The following FAM117A variants were observed in gnomAD, a reference collection of about 807,000 sequenced individuals.
The protein encoded by FAM117A is family with sequence similarity 117 member A.
In FAM117A, 21 loss-of-function variants were observed where a neutral mutation model predicts 44.1. The observed-to-expected ratio is 0.48, with a 90% CI of 0.34 to 0.69. FAM117A has a LOEUF of 0.69. FAM117A is among the 30% of genes least tolerant of loss of function. The pLI is 0.01. For synonymous variants in FAM117A, 220 were observed against 238.3 expected (o/e 0.92, Z 0.71); for missense variants, 498 against 589.9 (o/e 0.84, Z 1.61).
chr17:49,783,018 C>T (rs920697664), intron 1 of FAM117A, among the ~76,000 whole-genome samples: 2 of 152,166 alleles, frequency 1.3e-5, no homozygotes, highest in African/African-American at 4.8e-5. Context: ...ACTTTCCACC[C>T]CGGCAAATAG....
chr17:49,734,708 G>A (rs1567830115), intron 1 of FAM117A, among the ~76,000 whole-genome samples: 1 of 152,132 alleles, frequency 6.6e-6, no homozygotes, highest in African/African-American at 2.4e-5. Context: ...CCACTCCTAG[G>A]TATATACCAA....
chr17:49,749,220 T>C (rs2073665724), intron 1 of FAM117A, among the ~76,000 whole-genome samples: 1 of 152,046 alleles, frequency 6.6e-6, no homozygotes, highest in Non-Finnish European at 1.5e-5. Flanking sequence ...ATCTCGACTA[T>C]ATATATATGA....
intron 1 of FAM117A, 63 bp downstream of exon 1, chr17:49,763,829 C>T: frequency 1.5e-6 from 1 of 666,318 alleles, no homozygotes; most frequent in Non-Finnish European, 2.0e-6. Context: ...CCCCCTCCCG[C>T]GGTCACGCGC....
At chr17:49,756,872 AC>A (rs2073700801) in intron 1 of FAM117A, among the ~76,000 whole-genome samples, 1 of 150,044 alleles carries the variant, frequency 6.7e-6, no homozygotes, top group African/African-American at 2.5e-5. Context: ...AGCTGAGATC[AC>A]GCCACTGCAC....
intron 1 of FAM117A, among the ~76,000 whole-genome samples, chr17:49,739,826 A>G (rs1339246759): frequency 1.3e-5 from 2 of 152,174 alleles, no homozygotes; most frequent in Admixed American, 6.5e-5. Flanking sequence ...AGGAGGGTGG[A>G]GTGTCCTGTT....
At chr17:49,764,605 C>T (rs1439675856), upstream of FAM117A, among the ~76,000 whole-genome samples, 1 of 152,110 alleles carries the variant, frequency 6.6e-6, no homozygotes, top group Non-Finnish European at 1.5e-5. Context: ...ACAGAGAAAG[C>T]GATACCTTCA....
At chr17:49,717,437 AC>A in intron 6 of FAM117A, 75 bp downstream of exon 6, 1 of 1,309,112 alleles carries the variant, frequency 7.6e-7, no homozygotes, top group Non-Finnish European at 1.1e-6. Flanking sequence ...GCCTGAATTG[AC>A]TAGAGGTGGA....
intron 1 of FAM117A, among the ~76,000 whole-genome samples, chr17:49,739,537 T>C (rs540661125): frequency 1.2e-4 from 19 of 152,312 alleles, no homozygotes; most frequent in African/African-American, 4.6e-4. Context: ...ATAGAGGCTC[T>C]TGGGTTTATC....
At chr17:49,718,204 C>T (rs1322219259) in intron 5 of FAM117A, among the ~76,000 whole-genome samples, 1 of 152,208 alleles carries the variant, frequency 6.6e-6, no homozygotes, top group Non-Finnish European at 1.5e-5. Flanking sequence ...GGTACTTGAA[C>T]CTGTAGCTCA....
chr17:49,726,261 G>A (rs2073559116), intron 2 of FAM117A, among the ~76,000 whole-genome samples: 1 of 152,022 alleles, frequency 6.6e-6, no homozygotes, highest in Non-Finnish European at 1.5e-5. Context: ...TGCCCAGGCT[G>A]GAGTGCAATG....
chr17:49,727,439 C>T (rs1034554788), intron 2 of FAM117A, among the ~76,000 whole-genome samples: 1 of 152,094 alleles, frequency 6.6e-6, no homozygotes, highest in African/African-American at 2.4e-5. Context: ...AGTTGTTTGT[C>T]AGGGGGAGTC....
chr17:49,732,809 G>C (rs964609294), intron 1 of FAM117A, 89 bp from the exon 2 acceptor site: 68 of 1,393,458 alleles, frequency 4.9e-5, no homozygotes, highest in South Asian at 6.5e-5. Flanking sequence ...GATGTGGCCT[G>C]CCTGCCCCGT....
At chr17:49,716,816 T>G (rs990842993) in intron 6 of FAM117A, among the ~76,000 whole-genome samples, 1 of 152,226 alleles carries the variant, frequency 6.6e-6, no homozygotes, top group African/African-American at 2.4e-5. Flanking sequence ...GAATGTACTT[T>G]GCCTAGGTTG....
upstream of FAM117A, among the ~76,000 whole-genome samples, chr17:49,768,019 G>A (rs1039922209): frequency 7.9e-5 from 12 of 152,018 alleles, no homozygotes; most frequent in African/African-American, 2.9e-4. Context: ...GCTGTTGACT[G>A]CAGCATGCTC....
chr17:49,737,360 A>G (rs2073614952), intron 1 of FAM117A, among the ~76,000 whole-genome samples: 2 of 152,220 alleles, frequency 1.3e-5, no homozygotes, highest in South Asian at 2.1e-4. Flanking sequence ...AAAACTGTCT[A>G]TTAGAGTCCA....
intron 2 of FAM117A, among the ~76,000 whole-genome samples, chr17:49,727,129 G>A (rs1286281466): frequency 6.6e-6 from 1 of 152,114 alleles, no homozygotes; most frequent in Admixed American, 6.5e-5. Flanking sequence ...CTCCAGGCAC[G>A]GTGACTCATG....
At chr17:49,775,622 T>G (rs2073773563) in intron 1 of FAM117A, among the ~76,000 whole-genome samples, 1 of 152,154 alleles carries the variant, frequency 6.6e-6, no homozygotes, top group African/African-American at 2.4e-5. Flanking sequence ...GTTCAATGCC[T>G]CGAGGAGTTG....
intron 1 of FAM117A, among the ~76,000 whole-genome samples, chr17:49,757,253 G>A (rs1246774647): frequency 6.6e-6 from 1 of 152,186 alleles, no homozygotes; most frequent in Non-Finnish European, 1.5e-5. Flanking sequence ...TGCCTGAGCA[G>A]GGCAGGGTAA....
chr17:49,763,898 G>C lies in FAM117A; in HGVS notation c.190C>G (p.Arg64Gly), dbSNP rs1253202318. ...CGCTCCAGGCCCGGCTCACCTGCAC[G>C]GCCACCCCCGTCCCGGCGCTGGTGC... is the stretch of plus-strand genomic sequence containing the variant. ...QPHQRRDGGG[R>G]AASVPCSVAP... is the part of the protein sequence containing the mutation. The change falls in exon 1 of 8, where the codon CGT becomes GGT. Residue 64 changes from arginine (R) to glycine (G), a missense_variant. This residue lies in a region of FAM117A where 270 missense variants were observed against 277.4 expected (regional missense o/e 0.97). Coordinates refer to ENST00000240364, the MANE Select transcript of FAM117A (RefSeq NM_030802.4). 1.6e-5 allele frequency: 16 copies of C among 1,013,418 alleles called. 1 individual carries two copies. In the South Asian group the frequency reaches 5.4e-4, roughly 34 times the overall value. 62.8% of individuals were successfully genotyped at this position (1,013,418 alleles called of 1,614,324 possible).
Sources: allele counts gnomAD v4.1 joint callset (sites outside exome capture counted in the v4.1 genomes callset), GRCh38; gene constraint gnomAD v4.1.1; regional missense constraint gnomAD v4.1.1; transcripts MANE v1.5; gene names NCBI Gene and HGNC (gene_info 2026-07-23, HGNC 2026-07-21).